BTBD8: variants seen among roughly 807,000 people sequenced by gnomAD.
BTBD8 encodes the protein BTB/POZ domain-containing protein 8.
In BTBD8, 110 loss-of-function variants were observed where a neutral mutation model predicts 162.9. The observed-to-expected ratio is 0.68, with a 90% CI of 0.58 to 0.79. The LOEUF (loss-of-function observed/expected upper bound fraction) is 0.79, where lower values mean the gene tolerates loss of function less well. BTBD8 is among the 30% of genes least tolerant of loss of function. BTBD8 has a pLI of 0.00. For missense variants in BTBD8, 1,905 were observed against 2,085.4 expected (o/e 0.91, Z 1.68); for synonymous variants, 667 against 716.1 (o/e 0.93, Z 1.10).
Position 92,167,933 on chromosome 1 carries a change from C to G in BTBD8, c.1391C>G (p.Ser464Cys). Residue 464 changes from serine (S) to cysteine (C), a missense_variant, in exon 11 of 18, where the codon TCT becomes TGT. Ser to Cys is a moderately radical substitution (Grantham distance 112, BLOSUM62 -1). Around this residue, in one of 3 missense-constraint regions of BTBD8, gnomAD observed 1,374 missense variants for 1,442.7 expected, o/e 0.95. Transcript: ENST00000636805. The stretch of plus-strand genomic sequence containing the variant: ...AATATCACCACTGAAAATAGCTGCT[C>G]TCTTCTTATGGCTCTGGACACACTG... ...EENITTENSCSLLMALDTLLN... is the reference protein window; with the variant it reads ...EENITTENSCCLLMALDTLLN... 6.4e-7 allele frequency: 1 copy of G among 1,550,812 alleles called. No homozygotes were observed. Among genetic ancestry groups the G allele is most frequent in the Non-Finnish European group, 8.7e-7 (1 of 1,146,356 alleles).
intron 6 of BTBD8, chr1:92,139,946 A>T (rs1470023048): frequency 2.2e-5 from 3 of 135,286 alleles, no homozygotes; most frequent in African/African-American, 8.1e-5. Context: ...AAAAAAAAAA[A>T]AAAAAAAAAA....
chr1:92,129,816 T>A (rs1649466365), intron 5 of BTBD8, 40 bp downstream of exon 5: 1 of 1,507,446 alleles, frequency 6.6e-7, no homozygotes, highest in Non-Finnish European at 9.2e-7. Context: ...TGCAAATGAT[T>A]GTAAATTGTA....
intron 5 of BTBD8, among the ~76,000 whole-genome samples, chr1:92,137,184 A>G (rs925129920): frequency 6.6e-6 from 1 of 152,148 alleles, no homozygotes; most frequent in African/African-American, 2.4e-5. Context: ...AGGAATTTGG[A>G]CTTTCTTTTA....
intron 2 of BTBD8, among the ~76,000 whole-genome samples, chr1:92,090,456 A>G (rs1648266227): frequency 6.6e-6 from 1 of 152,200 alleles, no homozygotes; most frequent in Non-Finnish European, 1.5e-5. Flanking sequence ...AGAACTATCT[A>G]CATCCTTTGC....
intron 9 of BTBD8, among the ~76,000 whole-genome samples, chr1:92,152,192 GGACTT>G (rs1201961098): frequency 4.0e-5 from 6 of 151,756 alleles, no homozygotes; most frequent in Admixed American, 2.6e-4. Context: ...TTAATGCGTG[GGACTT>G]GACTTCAAGA....
chr1:92,150,282 T>C (rs1485789856), intron 9 of BTBD8, among the ~76,000 whole-genome samples: 1 of 141,000 alleles, frequency 7.1e-6, no homozygotes. Flanking sequence ...ATATTGAATA[T>C]TGAAATAATT....
intron 7 of BTBD8, among the ~76,000 whole-genome samples, chr1:92,143,568 T>C (rs1296316245): frequency 6.6e-6 from 1 of 152,172 alleles, no homozygotes; most frequent in East Asian, 1.9e-4. Flanking sequence ...TGGAGTGCAG[T>C]GGTACGATCT....
intron 5 of BTBD8, among the ~76,000 whole-genome samples, chr1:92,132,585 G>A (rs1054837116): frequency 1.3e-5 from 2 of 152,098 alleles, no homozygotes; most frequent in African/African-American, 4.8e-5. Context: ...CTTGTTCAAG[G>A]GAAAGCCAAA....
In BTBD8 at chr1:92,167,702, A is replaced by G. The variant is rs1450833201; in HGVS notation, c.1306-146A>G. 3.3e-5 allele frequency: 19 copies of G among 573,874 alleles called. No individual in the cohort carries two copies. The South Asian group carries it at 6.0e-4, about 18-fold the overall frequency. 35.5% of individuals were successfully genotyped at this position (573,874 alleles called of 1,614,324 possible). A position where few individuals can be genotyped will look rare whatever the true frequency, so the allele number is the denominator to read the frequency against. ...AAATAAAAGCTGCGTGCATATGCAT[A>G]TATGCGAATTTTTTAACAAAGGGAA... On this transcript the variant is annotated intron_variant, in intron 10 of 17. Coordinates refer to ENST00000636805, the MANE Select transcript of BTBD8 (RefSeq NM_001376131.1).
chr1:92,166,556 C>T (rs530771931), intron 9 of BTBD8, among the ~76,000 whole-genome samples: 403 of 151,542 alleles, frequency 2.7e-3, no homozygotes, highest in African/African-American at 9.2e-3. Context: ...TCCCGAGTAG[C>T]TGAGATTACA....
intron 2 of BTBD8, among the ~76,000 whole-genome samples, chr1:92,097,723 C>T (rs1322747781): frequency 6.6e-6 from 1 of 152,062 alleles, no homozygotes; most frequent in Non-Finnish European, 1.5e-5. Context: ...TACTTTATTC[C>T]CTTTATGGCT....
Position 92,180,871 on chromosome 1 carries a change from A to G in BTBD8, c.3188A>G (p.Asp1063Gly). 6.4e-7 allele frequency: 1 copy of G among 1,551,666 alleles called. No individual in the cohort carries two copies. The highest frequency in any genetic ancestry group is 1.2e-5 in the South Asian group (1 of 84,042). ...ETKFPNHKET[D>G]DCDAANICCH... The stretch of plus-strand genomic sequence containing the variant: ...AAATTTCCCAATCACAAAGAAACAG[A>G]TGATTGCGATGCAGCTAACATATGT... Residue 1063 changes from aspartate to glycine, a missense_variant, in exon 17 of 18, where the codon GAT becomes GGT. This residue lies in a region of BTBD8 where 1,374 missense variants were observed against 1,442.7 expected (regional missense o/e 0.95). Transcript: ENST00000636805.
chr1:92,173,080 C>T (rs1650596967), intron 13 of BTBD8, among the ~76,000 whole-genome samples: 1 of 152,120 alleles, frequency 6.6e-6, no homozygotes, highest in Admixed American at 6.5e-5. Flanking sequence ...AATGTGCCAC[C>T]ATGCCTGCCT....
At chr1:92,108,857 G>A (rs1332299193) in intron 4 of BTBD8, among the ~76,000 whole-genome samples, 2 of 152,220 alleles carry the variant, frequency 1.3e-5, no homozygotes, top group Non-Finnish European at 2.9e-5. Flanking sequence ...GAAAGAGCCA[G>A]AGTATTTGCA....
intron 2 of BTBD8, among the ~76,000 whole-genome samples, chr1:92,093,026 G>A (rs563606): frequency 0.7 from 106,477 of 151,896 alleles, 37,817 homozygotes; most frequent in East Asian, 0.97. Context: ...TGAAGCTCCT[G>A]TGGAGAGCAT....
chr1:92,101,010 T>C (rs1037087006), intron 2 of BTBD8, among the ~76,000 whole-genome samples: 4 of 152,170 alleles, frequency 2.6e-5, no homozygotes, highest in African/African-American at 9.7e-5. Context: ...TTCTGAGATT[T>C]TGGTAGACCC....
At chr1:92,136,155 G>GTT (rs1649626685) in intron 5 of BTBD8, among the ~76,000 whole-genome samples, 1 of 152,108 alleles carries the variant, frequency 6.6e-6, no homozygotes, top group Non-Finnish European at 1.5e-5. Flanking sequence ...ATGGAAAAGT[G>GTT]TTTCTGTATT....
chr1:92,107,430 C>G (rs72956832), intron 3 of BTBD8, among the ~76,000 whole-genome samples: 6,267 of 152,214 alleles, frequency 0.041, 463 homozygotes, highest in African/African-American at 0.14. Flanking sequence ...TCTATGCTTA[C>G]ATACACAACT....
rs1156833254 is a variant in BTBD8, at chr1:92,182,131, C to A, written c.4448C>A (p.Thr1483Asn). 3.2e-6 allele frequency: 5 copies of A among 1,551,260 alleles called. No individual in the cohort carries two copies. Among genetic ancestry groups the A allele is most frequent in the Non-Finnish European group, 4.4e-6 (5 of 1,146,784 alleles). The change falls in exon 17 of 18, where the codon ACC becomes AAC. Residue 1483 changes from threonine (T) to asparagine (N), a missense_variant. Coordinates refer to ENST00000636805, the MANE Select transcript of BTBD8 (RefSeq NM_001376131.1). ...ATTTCTCATGAACATCATGGAAGGA[C>A]CTGCTATTCCAGATTCTCACGAGAA... The part of the protein sequence containing the change: ...DGISHEHHGR[T>N]CYSRFSRESE...
Sources: gnomAD v4.1 joint callset for allele counts (sites outside exome capture counted in the v4.1 genomes callset) on GRCh38, gnomAD v4.1.1 for gene constraint, gnomAD v4.1.1 regional missense constraint, MANE v1.5 for transcripts, NCBI Gene and HGNC (gene_info 2026-07-23, HGNC 2026-07-21) for gene names.